Variants in NPAS3 observed in about 807,000 individuals in gnomAD.
The protein encoded by NPAS3 is neuronal PAS domain protein 3, also known as neuronal PAS domain-containing protein 3.
In NPAS3, 14 loss-of-function variants were observed where a neutral mutation model predicts 73.1. That is an observed-to-expected ratio of 0.19 (90% CI 0.13 to 0.30). The LOEUF is 0.30. NPAS3 is among the 10% of genes least tolerant of loss of function. The pLI, the probability that NPAS3 is intolerant of heterozygous loss-of-function variation, is 1.00. For missense variants in NPAS3, 1,096 were observed against 1,250.0 expected (o/e 0.88, Z 1.86); for synonymous variants, 620 against 541.5 (o/e 1.14, Z -2.01).
chr14:33,504,345 C>G (rs2076656399), intron 4 of NPAS3, among the ~76,000 whole-genome samples: 1 of 151,870 alleles, frequency 6.6e-6, no homozygotes, highest in Admixed American at 6.6e-5. Context: ...TTGAGGACTT[C>G]ACAAATACCA....
rs1240899887 is a variant in NPAS3, at chr14:33,295,365, C to T, written c.386-71821C>T. On this transcript the variant is annotated intron_variant, in intron 3 of 11. Transcript: ENST00000356141. The stretch of plus-strand genomic sequence containing the variant: ...AATAAAAGACTTCATTTTAAAAGTC[C>T]TTTTCTGATACTGAAAGCCTGCCAC... Among the ~76,000 whole-genome samples, 5 of 152,148 alleles carry T rather than the reference C, an allele frequency of 3.3e-5. No homozygotes were observed. The East Asian group carries it at 9.6e-4, about 29-fold the overall frequency.
At chr14:33,636,122 G>A (rs182275631) in intron 5 of NPAS3, among the ~76,000 whole-genome samples, 3 of 152,252 alleles carry the variant, frequency 2.0e-5, no homozygotes, top group African/African-American at 4.8e-5. Flanking sequence ...GTTTCTCCAC[G>A]TTAGTCAGGC....
At chr14:33,577,655 C>T (rs989114264) in intron 5 of NPAS3, among the ~76,000 whole-genome samples, 2 of 152,182 alleles carry the variant, frequency 1.3e-5, no homozygotes, top group Non-Finnish European at 1.5e-5. Flanking sequence ...GACTTATTCT[C>T]CTGCTGGGGT....
intron 1 of NPAS3, among the ~76,000 whole-genome samples, chr14:32,976,695 T>C (rs1446602153): frequency 1.3e-5 from 2 of 152,198 alleles, no homozygotes; most frequent in Non-Finnish European, 2.9e-5. Context: ...TACTACTGTA[T>C]GCATACACAC....
At chr14:33,573,829 A>G (rs1156838671) in intron 5 of NPAS3, among the ~76,000 whole-genome samples, 1 of 152,226 alleles carries the variant, frequency 6.6e-6, no homozygotes, top group Admixed American at 6.5e-5. Flanking sequence ...CCCTCCAATT[A>G]AAAGACTGAT....
intron 5 of NPAS3, among the ~76,000 whole-genome samples, chr14:33,651,766 C>T (rs1050872415): frequency 1.4e-4 from 22 of 152,246 alleles, no homozygotes; most frequent in Middle Eastern, 3.4e-3. Flanking sequence ...ATGCTCAATA[C>T]ATGTTAGTTT....
chr14:33,087,306 T>C (rs2042071281), intron 2 of NPAS3, among the ~76,000 whole-genome samples: 1 of 150,604 alleles, frequency 6.6e-6, no homozygotes, highest in South Asian at 2.1e-4. Flanking sequence ...TATTTAAAAT[T>C]AAAGACTTCA....
At chr14:33,701,686 G>T (rs1249959784) in intron 6 of NPAS3, among the ~76,000 whole-genome samples, 1 of 152,166 alleles carries the variant, frequency 6.6e-6, no homozygotes, top group African/African-American at 2.4e-5. Flanking sequence ...TTTCTACACA[G>T]GAGTATTTAG....
chr14:33,060,665 G>C (rs1399388737), intron 2 of NPAS3, among the ~76,000 whole-genome samples: 1 of 152,138 alleles, frequency 6.6e-6, no homozygotes, highest in Non-Finnish European at 1.5e-5. Context: ...TGGATGCCTG[G>C]TTAGTGTTTC....
intron 1 of NPAS3, among the ~76,000 whole-genome samples, chr14:32,944,792 A>G (rs2036184662): frequency 6.6e-6 from 1 of 152,236 alleles, no homozygotes; most frequent in Non-Finnish European, 1.5e-5. Context: ...ACAACATTAA[A>G]CAATAGTTGA....
intron 4 of NPAS3, among the ~76,000 whole-genome samples, chr14:33,426,183 G>A (rs2048547049): frequency 6.6e-6 from 1 of 152,036 alleles, no homozygotes; most frequent in African/African-American, 2.4e-5. Context: ...GGAGATGAGA[G>A]TGCAAGAGAT....
intron 3 of NPAS3, among the ~76,000 whole-genome samples, chr14:33,266,046 ATACTC>A (rs1253317787): frequency 1.7e-4 from 26 of 151,970 alleles, no homozygotes; most frequent in African/African-American, 2.9e-4. Context: ...TATTTAGACT[ATACTC>A]TAAGATAAAT....
chr14:33,318,610 C>A (rs1392578553), intron 3 of NPAS3, among the ~76,000 whole-genome samples: 1 of 151,912 alleles, frequency 6.6e-6, no homozygotes, highest in Non-Finnish European at 1.5e-5. Context: ...CAGCTAGTGC[C>A]AAATGATAAT....
intron 5 of NPAS3, among the ~76,000 whole-genome samples, chr14:33,606,694 C>T (rs1466652763): frequency 6.6e-6 from 1 of 152,084 alleles, no homozygotes; most frequent in African/African-American, 2.4e-5. Flanking sequence ...ATAAAGATGT[C>T]CTAATTATGA....
chr14:33,496,513 G>A (rs916086133), intron 4 of NPAS3, among the ~76,000 whole-genome samples: 4 of 152,106 alleles, frequency 2.6e-5, no homozygotes, highest in South Asian at 4.2e-4. Context: ...CAATCAAGTC[G>A]GCTTCATCCC....
At chr14:33,716,475 C>G (rs376006940) in intron 6 of NPAS3, among the ~76,000 whole-genome samples, 1 of 152,042 alleles carries the variant, frequency 6.6e-6, no homozygotes, top group Non-Finnish European at 1.5e-5. Flanking sequence ...GTAAAATATA[C>G]ATGACATAAA....
At chr14:33,361,901 G>A (rs2045621122) in intron 3 of NPAS3, among the ~76,000 whole-genome samples, 1 of 152,018 alleles carries the variant, frequency 6.6e-6, no homozygotes, top group Admixed American at 6.5e-5. Flanking sequence ...AACAATGCGT[G>A]TCCCTATTTC....
At chr14:33,587,887 C>G (rs2056921446) in intron 5 of NPAS3, among the ~76,000 whole-genome samples, 2 of 152,156 alleles carry the variant, frequency 1.3e-5, no homozygotes, top group Middle Eastern at 3.2e-3. Context: ...ACTACAGAAC[C>G]TCAAATGAAT....
chr14:33,551,225 T>G (rs2055097605), intron 4 of NPAS3, among the ~76,000 whole-genome samples: 1 of 152,224 alleles, frequency 6.6e-6, no homozygotes, highest in South Asian at 2.1e-4. Flanking sequence ...ATAAAACACA[T>G]GATTGCACCA....
Sources: gnomAD v4.1 joint callset for allele counts (sites outside exome capture counted in the v4.1 genomes callset) on GRCh38, gnomAD v4.1.1 for gene constraint, MANE v1.5 for transcripts, NCBI Gene and HGNC (gene_info 2026-07-23, HGNC 2026-07-21) for gene names.